The following VPS39 variants were observed in gnomAD, a reference collection of about 807,000 sequenced individuals.
VPS39 encodes the protein VPS39 subunit of HOPS complex.
A neutral mutation model predicts 121.0 loss-of-function variants in VPS39; 70 were observed. The observed-to-expected ratio is 0.58, with a 90% CI of 0.48 to 0.71. The LOEUF (loss-of-function observed/expected upper bound fraction) is 0.71, where lower values mean the gene tolerates loss of function less well. Among genes scored for constraint, VPS39 ranks in the 30% least tolerant of loss-of-function variants. The probability of loss-of-function intolerance (pLI) is 0.00; values close to 1 mark genes in which losing one functional copy is unlikely to be tolerated. For synonymous variants in VPS39, 378 were observed against 398.1 expected, an observed-to-expected ratio of 0.95 and a Z score of 0.60; for missense variants, 818 against 1,051.5, an observed-to-expected ratio of 0.78 and a Z score of 3.07.
At chr15:42,164,114 T>C (rs1176046824) in intron 19 of VPS39, among the ~76,000 whole-genome samples, 1 of 152,154 alleles carries the variant, frequency 6.6e-6, no homozygotes, top group Admixed American at 6.5e-5. Context: ...GAACATGTTC[T>C]GAAGCAAAAA....
intron 8 of VPS39, among the ~76,000 whole-genome samples, chr15:42,179,620 A>C (rs1354954064): frequency 3.4e-5 from 5 of 147,870 alleles, no homozygotes; most frequent in African/African-American, 9.9e-5. Context: ...TAAATAAATA[A>C]ATAAAATAAA....
chr15:42,191,219 G>C, intron 3 of VPS39, 52 bp from the exon 4 acceptor site: 1 of 1,596,522 alleles, frequency 6.3e-7, no homozygotes, highest in Non-Finnish European at 8.6e-7. Flanking sequence ...ACAAGGTTTA[G>C]CAAATGTTCA....
chr15:42,166,726 G>A, intron 14 of VPS39, 46 bp downstream of exon 14: 6 of 1,613,750 alleles, frequency 3.7e-6, no homozygotes, highest in Non-Finnish European at 5.1e-6. Context: ...GGTTTCCCCT[G>A]CCATGTACAA....
chr15:42,204,014 G>T (rs975174308), intron 1 of VPS39, among the ~76,000 whole-genome samples: 1 of 152,224 alleles, frequency 6.6e-6, no homozygotes, highest in Non-Finnish European at 1.5e-5. Flanking sequence ...GAGCCACAAG[G>T]TTGGACTTAA....
At position 42,191,467 on chromosome 15, in the gene VPS39, T is replaced by C. The variant is rs747460118; in HGVS notation, c.204+29A>G. ...GACAGGGTCTCATGTAAGTCAAATA[T>C]TCTTGTAAGGACTGCCATCACTGCT... On this transcript the variant is annotated intron_variant, in intron 3 of 24. Coordinates refer to ENST00000318006, the MANE Select transcript of VPS39 (RefSeq NM_015289.5). The C allele has an allele frequency of 1.4e-5, 22 of 1,606,270 alleles. No individual in the cohort carries two copies. In the East Asian group the frequency reaches 4.9e-4, roughly 36 times the overall value.
Position 42,187,335 on chromosome 15 carries a change from T to C in VPS39, c.470A>G (p.Lys157Arg), listed in dbSNP as rs762211282. The change falls in exon 7 of 25, where the codon AAG (lysine) becomes AGG (arginine). Residue 157 changes from lysine to arginine, a missense_variant. Transcript: ENST00000318006. ...QGDFSVPDVPKSMAWCENSIC... is the reference protein window; with the variant it reads ...QGDFSVPDVPRSMAWCENSIC... Reference sequence around the variant, plus strand: ...AGAATTTTCACACCACGCCATGGACTTGGGCACATCTGGCACACTAAAGTC... The same window carrying C: ...AGAATTTTCACACCACGCCATGGACCTGGGCACATCTGGCACACTAAAGTC... 8 of 1,613,552 alleles carry C rather than the reference T, an allele frequency of 5.0e-6. No individual in the cohort carries two copies. Among genetic ancestry groups the C allele is most frequent in the Middle Eastern group, 1.7e-4 (1 of 6,060 alleles).
At chr15:42,187,689 G>T in intron 6 of VPS39, 69 bp downstream of exon 6, 2 of 1,415,952 alleles carry the variant, frequency 1.4e-6, no homozygotes, top group South Asian at 2.3e-5. Flanking sequence ...CTGGAGTCCT[G>T]AACTTCACTA....
intron 1 of VPS39, among the ~76,000 whole-genome samples, chr15:42,206,775 A>G (rs2050181709): frequency 6.6e-6 from 1 of 152,172 alleles, no homozygotes; most frequent in South Asian, 2.1e-4. Flanking sequence ...TCATCATTGT[A>G]TTACTGTCCC....
chr15:42,182,611 C>CACAG (rs1204391754), intron 8 of VPS39, among the ~76,000 whole-genome samples: 1 of 152,240 alleles, frequency 6.6e-6, no homozygotes, highest in Non-Finnish European at 1.5e-5. Context: ...ATCCAGACCT[C>CACAG]ACAGAGCTCC....
chr15:42,192,086 A>G (rs1284049016), intron 2 of VPS39: 1 of 1,536,458 alleles, frequency 6.5e-7, no homozygotes, highest in South Asian at 1.2e-5. Context: ...AGGTGATGCT[A>G]CATCTGCTGG....
intron 8 of VPS39, among the ~76,000 whole-genome samples, chr15:42,182,948 C>T (rs2049614528): frequency 6.6e-6 from 1 of 152,146 alleles, no homozygotes; most frequent in Non-Finnish European, 1.5e-5. Flanking sequence ...CCTAGAACAT[C>T]GGGAAAGCCT....
intron 2 of VPS39, among the ~76,000 whole-genome samples, chr15:42,196,468 C>A (rs868837471): frequency 2.6e-5 from 4 of 152,066 alleles, no homozygotes; most frequent in African/African-American, 2.4e-5. Context: ...ATCAAACTTA[C>A]AAGAAAAAAA....
intron 8 of VPS39, among the ~76,000 whole-genome samples, chr15:42,180,988 A>G (rs889449929): frequency 4.6e-5 from 7 of 152,122 alleles, no homozygotes; most frequent in Admixed American, 4.6e-4. Flanking sequence ...AAATAGAATC[A>G]CCATATGGTC....
intron 2 of VPS39, among the ~76,000 whole-genome samples, chr15:42,198,626 C>A (rs543188449): frequency 6.6e-6 from 1 of 152,304 alleles, no homozygotes; most frequent in Admixed American, 6.5e-5. Flanking sequence ...TAGGCATGAG[C>A]CACTTCACAG....
intron 2 of VPS39, among the ~76,000 whole-genome samples, chr15:42,194,625 T>C (rs907458811): frequency 2.0e-5 from 3 of 151,908 alleles, no homozygotes; most frequent in Admixed American, 1.3e-4. Context: ...CCTAGCTGCT[T>C]GAGAGGCTGA....
At position 42,170,175 on chromosome 15, in the gene VPS39, T is replaced by C. The variant is rs977471490; in HGVS notation, c.1091-309A>G. ...AAATTTCTAAGGAAAAATGCTGATA[T>C]TGAAGTAGAAGAGATCAAGAGACTC... On this transcript the variant is annotated intron_variant, in intron 11 of 24. Coordinates refer to ENST00000318006, the MANE Select transcript of VPS39 (RefSeq NM_015289.5). Among the ~76,000 whole-genome samples the C allele has an allele frequency of 3.3e-5, 5 of 151,948 alleles. No homozygotes were observed. The South Asian group carries it at 6.2e-4, about 19-fold the overall frequency.
intron 11 of VPS39, among the ~76,000 whole-genome samples, chr15:42,172,628 C>T (rs963816925): frequency 6.6e-6 from 1 of 152,162 alleles, no homozygotes; most frequent in African/African-American, 2.4e-5. Context: ...GCAGTGGCAA[C>T]GGCTAAGAAG....
At chr15:42,208,028 TCCGGAC>T in intron 1 of VPS39, 47 bp downstream of exon 1, 1 of 1,545,116 alleles carries the variant, frequency 6.5e-7, no homozygotes, top group South Asian at 1.2e-5. Context: ...TCAGAAAAGA[TCCGGAC>T]CGCTCCTGTG....
At chr15:42,202,726 C>T (rs2050091429) in intron 1 of VPS39, among the ~76,000 whole-genome samples, 2 of 152,166 alleles carry the variant, frequency 1.3e-5, no homozygotes, top group South Asian at 4.1e-4. Context: ...CCAAGTCGGC[C>T]AGGGTCTATC....
Sources: gnomAD v4.1 joint callset for allele counts (sites outside exome capture counted in the v4.1 genomes callset) on GRCh38, gnomAD v4.1.1 for gene constraint, MANE v1.5 for transcripts, NCBI Gene and HGNC (gene_info 2026-07-23, HGNC 2026-07-21) for gene names.